ADAMTS15: variants seen among roughly 807,000 people sequenced by gnomAD.
ADAMTS15 encodes the protein A disintegrin and metalloproteinase with thrombospondin motifs 15.
In ADAMTS15, 35 loss-of-function variants were observed where a neutral mutation model predicts 79.1. The observed-to-expected ratio is 0.44, with a 90% confidence interval of 0.34 to 0.59. ADAMTS15 has a LOEUF of 0.59. Ranked by LOEUF, ADAMTS15 falls within the 20% of genes least tolerant of loss-of-function variation. ADAMTS15 has a pLI of 0.02. For synonymous variants in ADAMTS15, 616 were observed against 567.3 expected, an observed-to-expected ratio of 1.09 and a Z score of -1.22; for missense variants, 1,324 against 1,318.7, an observed-to-expected ratio of 1.00 and a Z score of -0.06.
intron 4 of ADAMTS15, among the ~76,000 whole-genome samples, chr11:130,464,657 A>C (rs73044873): frequency 0.032 from 4,863 of 152,176 alleles, 89 homozygotes; most frequent in Middle Eastern, 0.054. Context: ...AATTGTGCTC[A>C]CTGGTCTCAG....
At chr11:130,457,391 T>C (rs75339696) in intron 1 of ADAMTS15, among the ~76,000 whole-genome samples, 1,800 of 152,180 alleles carry the variant, frequency 0.012, 19 homozygotes, top group Middle Eastern at 0.037. Context: ...TGGAGGTGTG[T>C]ATGGAGTGAC....
intron 4 of ADAMTS15, among the ~76,000 whole-genome samples, chr11:130,467,479 CA>C (rs1345857352): frequency 6.6e-6 from 1 of 152,108 alleles, no homozygotes; most frequent in South Asian, 2.1e-4. Flanking sequence ...CAAAATGAAA[CA>C]AAAGCTATCT....
intron 5 of ADAMTS15, among the ~76,000 whole-genome samples, chr11:130,470,182 G>GTATATATA (rs1407250375): frequency 1.4e-5 from 1 of 72,744 alleles, no homozygotes; most frequent in African/African-American, 7.6e-5. Context: ...ATATATATAT[G>GTATATATA]TGTGTATATA....
chr11:130,457,965 C>T lies in ADAMTS15; in HGVS notation c.958-3524C>T, dbSNP rs990173640. On this transcript the variant is annotated intron_variant, in intron 1 of 7. Coordinates refer to ENST00000299164, the MANE Select transcript of ADAMTS15 (RefSeq NM_139055.4). Reference sequence around the variant, plus strand: ...CCACTCTTACCCTCAGGAAATTTGCCGGCTCTTTCCTTGTTCCTCTCATTT... The same window carrying T: ...CCACTCTTACCCTCAGGAAATTTGCTGGCTCTTTCCTTGTTCCTCTCATTT... Among the ~76,000 whole-genome samples the T allele has an allele frequency of 7.2e-5, 11 of 152,278 alleles. No individual in the cohort carries two copies. The South Asian group carries it at 1.2e-3, about 17-fold the overall frequency.
Position 130,471,521 on chromosome 11 carries a change from C to T in ADAMTS15, c.2078+138C>T, listed in dbSNP as rs569928940. 1.0e-4 allele frequency: 86 copies of T among 845,346 alleles called. No homozygotes were observed. The South Asian group carries it at 1.8e-3, about 18-fold the overall frequency. The allele number at this position is 845,346 out of a possible 1,614,324, so 52.4% of individuals were successfully genotyped here. A position where few individuals can be genotyped will look rare whatever the true frequency, so the allele number is the denominator to read the frequency against. On this transcript the variant is annotated intron_variant, in intron 7 of 7. Transcript: ENST00000299164. ...CCTTGCTGCAGAGGCCACCCATACCCTTCTAGGGCTGCTAGTCCTTCACTC... is the reference window on the plus strand; with the variant it reads ...CCTTGCTGCAGAGGCCACCCATACCTTTCTAGGGCTGCTAGTCCTTCACTC...
chr11:130,470,816 T>C, intron 5 of ADAMTS15, 104 bp from the exon 6 acceptor site: 1 of 1,294,336 alleles, frequency 7.7e-7, no homozygotes, highest in South Asian at 1.4e-5. Flanking sequence ...GTGATGAGGG[T>C]GGGAAGGGCT....
At chr11:130,470,827 A>G in intron 5 of ADAMTS15, 93 bp from the exon 6 acceptor site, 1 of 1,421,802 alleles carries the variant, frequency 7.0e-7, no homozygotes, top group Non-Finnish European at 9.6e-7. Flanking sequence ...GGGAAGGGCT[A>G]AGAGAGCCAC....
intron 1 of ADAMTS15, among the ~76,000 whole-genome samples, chr11:130,451,492 C>T (rs909104833): frequency 4.6e-5 from 7 of 152,234 alleles, no homozygotes; most frequent in Admixed American, 4.6e-4. Flanking sequence ...CCTCTGCAAG[C>T]ACTGCCTGAG....
rs530572790 is a variant in ADAMTS15 at position 130,466,939 on chromosome 11, C to A, written c.1543-2323C>A. Among the ~76,000 whole-genome samples, 5 of 152,240 alleles carry A rather than the reference C, an allele frequency of 3.3e-5. No individual in the cohort carries two copies. In the East Asian group the frequency reaches 7.8e-4, roughly 24 times the overall value. ...AGGGGCCCCCATAATCCAGAGCAGC[C>A]CTTCCCAACTCCTCCCTACCACCTG... On this transcript the variant is annotated intron_variant, in intron 4 of 7. Coordinates refer to ENST00000299164, the MANE Select transcript of ADAMTS15 (RefSeq NM_139055.4).
rs961577966 is a variant in ADAMTS15, at chr11:130,473,241, G to A, written c.2273G>A (p.Arg758Gln). The change falls in exon 8 of 8, where the codon CGG (arginine) becomes CAG (glutamine). Residue 758 changes from arginine (R) to glutamine (Q), a missense_variant. Physicochemically the swap from Arg to Gln is conservative, Grantham distance 43. Coordinates refer to ENST00000299164, the MANE Select transcript of ADAMTS15 (RefSeq NM_139055.4). Reference protein sequence around the residue: ...RDLVVKGSLLRYSGTGTAVES... With the variant: ...RDLVVKGSLLQYSGTGTAVES... The stretch of plus-strand genomic sequence containing the variant: ...CTGGTGGTGAAGGGCAGTCTGCTGC[G>A]GTACAGCGGCACGGGCACAGCGGTG... The A allele has an allele frequency of 6.8e-6, 11 of 1,613,636 alleles. No individual in the cohort carries two copies. The highest frequency in any genetic ancestry group is 1.6e-4 in the Middle Eastern group (1 of 6,062).
At position 130,472,953 on chromosome 11, in the gene ADAMTS15, G is replaced by A. The variant is rs1938487928; in HGVS notation, c.2079-94G>A. On this transcript the variant is annotated intron_variant, in intron 7 of 7. Coordinates refer to ENST00000299164, the MANE Select transcript of ADAMTS15 (RefSeq NM_139055.4). This position sits in a 1 kb window ranked among gnomAD's most constrained non-coding sequence, Gnocchi z 4.7. ...TTTTACTCCCATGCCAGAATTCACC[G>A]AAAGCTAGGTTTACTGAGGAAAACA... The A allele has an allele frequency of 1.8e-5, 28 of 1,522,824 alleles. No homozygotes were observed. Among genetic ancestry groups the A allele is most frequent in the Middle Eastern group, 4.3e-4 (2 of 4,614 alleles). The allele number at this position is 1,522,824 out of a possible 1,614,324, so 94.3% of individuals were successfully genotyped here. A position where few individuals can be genotyped will look rare whatever the true frequency, so the allele number is the denominator to read the frequency against.
intron 4 of ADAMTS15, among the ~76,000 whole-genome samples, chr11:130,468,368 C>T (rs530180028): frequency 5.3e-5 from 8 of 152,164 alleles, no homozygotes; most frequent in South Asian, 2.1e-4. Flanking sequence ...CGGTAGCTCA[C>T]GCCTGTAATC....
chr11:130,471,337 G>C lies in ADAMTS15; in HGVS notation c.2032G>C (p.Asp678His). Residue 678 changes from aspartate (D) to histidine (H), a missense_variant, in exon 7 of 8, where the codon GAC becomes CAC. By Grantham distance (81) the Asp-to-His change is moderately conservative (BLOSUM62 -1). Coordinates refer to ENST00000299164, the MANE Select transcript of ADAMTS15 (RefSeq NM_139055.4). ...CGACAAGTGTGGGGTGTGTGGGGGA[G>C]ACAATAAGAGCTGCAAGAAGGTGAC... ...RFDKCGVCGG[D>H]NKSCKKVTGL... 1 of 1,611,954 alleles carries C rather than the reference G, an allele frequency of 6.2e-7. No homozygotes were observed. The highest frequency in any genetic ancestry group is 8.5e-7 in the Non-Finnish European group (1 of 1,179,562).
intron 1 of ADAMTS15, among the ~76,000 whole-genome samples, chr11:130,456,512 C>A (rs1938083224): frequency 6.6e-6 from 1 of 152,176 alleles, no homozygotes; most frequent in Non-Finnish European, 1.5e-5. Context: ...CAAAGCAAGG[C>A]CCTCCCATCC....
Position 130,462,054 on chromosome 11 carries a change from C to T in ADAMTS15, c.1091-33C>T. The T allele has an allele frequency of 6.3e-7, 1 of 1,594,212 alleles. No individual in the cohort carries two copies. Among genetic ancestry groups the T allele is most frequent in the Non-Finnish European group, 8.6e-7 (1 of 1,166,306 alleles). ...CCCTCCAACCCCCATGTCCTTCCTC[C>T]TGCCCTCTCAGTCCTCTTGCCTTAC... On this transcript the variant is annotated intron_variant, in intron 2 of 7. Coordinates refer to ENST00000299164, the MANE Select transcript of ADAMTS15 (RefSeq NM_139055.4). This position sits in a 1 kb window ranked among gnomAD's most constrained non-coding sequence, Gnocchi z 4.3.
At chr11:130,451,706 C>T (rs999052985) in intron 1 of ADAMTS15, among the ~76,000 whole-genome samples, 2 of 152,212 alleles carry the variant, frequency 1.3e-5, no homozygotes, top group Non-Finnish European at 2.9e-5. Context: ...CCTCTGCAGC[C>T]TGGTGGTGAA....
chr11:130,471,530 C>A, intron 7 of ADAMTS15, 147 bp downstream of exon 7: 3 of 778,972 alleles, frequency 3.9e-6, no homozygotes, highest in Non-Finnish European at 5.7e-6. Flanking sequence ...CCTTCTAGGG[C>A]TGCTAGTCCT....
intron 4 of ADAMTS15, among the ~76,000 whole-genome samples, chr11:130,463,045 G>T (rs1044879707): frequency 6.6e-6 from 1 of 152,342 alleles, no homozygotes; most frequent in Non-Finnish European, 1.5e-5. Context: ...TCAACAGGAC[G>T]TGGGGTCTCA....
At position 130,448,750 on chromosome 11, in the gene ADAMTS15, A is replaced by G. The variant is rs565818532; in HGVS notation, c.-224A>G. ...TGACAGCGATTGTACTTAAGCTCCCAGGGCGCGCTTTGCTTGGAAAGGCAC... is the reference window on the plus strand; with the variant it reads ...TGACAGCGATTGTACTTAAGCTCCCGGGGCGCGCTTTGCTTGGAAAGGCAC... On this transcript the variant is annotated 5_prime_UTR_variant, in exon 1 of 8. Transcript: ENST00000299164. 1.3e-5 allele frequency among the ~76,000 whole-genome samples: 2 copies of G among 152,326 alleles called. No homozygotes were observed. Among genetic ancestry groups the G allele is most frequent in the South Asian group, 2.1e-4 (1 of 4,828 alleles).
Sources: gnomAD v4.1 joint callset for allele counts (sites outside exome capture counted in the v4.1 genomes callset) on GRCh38, gnomAD v4.1.1 for gene constraint, Gnocchi (gnomAD v3.1) non-coding constraint, MANE v1.5 for transcripts, NCBI Gene and HGNC (gene_info 2026-07-23, HGNC 2026-07-21) for gene names.